Variants in EPC2 observed in about 807,000 individuals in gnomAD.
EPC2 encodes enhancer of polycomb homolog 2.
Under a neutral mutation model 92.1 loss-of-function variants are expected in EPC2, and 14 were observed. The observed-to-expected ratio is 0.15, with a 90% CI of 0.10 to 0.24. The LOEUF is 0.24. Among genes scored for constraint, EPC2 ranks in the 10% least tolerant of loss-of-function variants. The probability of loss-of-function intolerance (pLI) is 1.00; values close to 1 mark genes in which losing one functional copy is unlikely to be tolerated. For missense variants in EPC2, 755 were observed against 971.5 expected (o/e 0.78, Z 2.96); for synonymous variants, 340 against 334.7 (o/e 1.02, Z -0.17).
chr2:148,765,803 C>G (rs531514786), intron 7 of EPC2, among the ~76,000 whole-genome samples: 1 of 152,014 alleles, frequency 6.6e-6, no homozygotes, highest in African/African-American at 2.4e-5. Context: ...TTTGGGAGGC[C>G]GAGGCAGGCG....
At chr2:148,684,107 G>A (rs557147715) in intron 1 of EPC2, among the ~76,000 whole-genome samples, 5 of 152,266 alleles carry the variant, frequency 3.3e-5, no homozygotes, top group African/African-American at 1.2e-4. Flanking sequence ...TTTCACTGAC[G>A]ATTAGTGATG....
chr2:148,736,664 AC>A (rs1272257084), intron 2 of EPC2, among the ~76,000 whole-genome samples: 2 of 152,046 alleles, frequency 1.3e-5, no homozygotes, highest in Non-Finnish European at 2.9e-5. Context: ...AGCCTTCCAC[AC>A]TTTTTTCTAC....
At chr2:148,741,393 T>A (rs1682877032) in intron 2 of EPC2, among the ~76,000 whole-genome samples, 1 of 152,174 alleles carries the variant, frequency 6.6e-6, no homozygotes, top group Non-Finnish European at 1.5e-5. Context: ...TAAAAATTTC[T>A]TAAGCAATGA....
At chr2:148,719,484 G>T (rs1224872330) in intron 2 of EPC2, among the ~76,000 whole-genome samples, 1 of 152,170 alleles carries the variant, frequency 6.6e-6, no homozygotes, top group African/African-American at 2.4e-5. Flanking sequence ...TCACTCTTCT[G>T]TAGGGCTGCT....
intron 2 of EPC2, among the ~76,000 whole-genome samples, chr2:148,718,274 TTCTC>T (rs1682298453): frequency 6.6e-6 from 1 of 152,214 alleles, no homozygotes; most frequent in African/African-American, 2.4e-5. Context: ...GCGGATTTGA[TTCTC>T]TCATCATGCT....
Position 148,758,527 on chromosome 2 carries a change from C to T in EPC2, c.667-3255C>T, listed in dbSNP as rs187236426. ...TCCCCTACCTCAGCCTCCCAAATAGCTGGGACTACAGGCGCTTGCCACCAC... is the reference window on the plus strand; with the variant it reads ...TCCCCTACCTCAGCCTCCCAAATAGTTGGGACTACAGGCGCTTGCCACCAC... On this transcript the variant is annotated intron_variant, in intron 4 of 13. Transcript: ENST00000258484. 5.1e-3 allele frequency among the ~76,000 whole-genome samples: 782 copies of T among 152,196 alleles called. 10 individuals carry two copies. The highest frequency in any genetic ancestry group is 0.018 in the African/African-American group (747 of 41,514).
At chr2:148,697,661 C>T (rs1461384437) in intron 2 of EPC2, among the ~76,000 whole-genome samples, 1 of 152,146 alleles carries the variant, frequency 6.6e-6, no homozygotes, top group Non-Finnish European at 1.5e-5. Flanking sequence ...GAGGGAGAAC[C>T]ACTAGGGCAG....
chr2:148,656,246 A>T (rs1680796327), intron 1 of EPC2, among the ~76,000 whole-genome samples: 1 of 152,124 alleles, frequency 6.6e-6, no homozygotes, highest in Non-Finnish European at 1.5e-5. Context: ...CTTTCTGTTG[A>T]TTGTTTGTAG....
intron 12 of EPC2, 111 bp downstream of exon 12, chr2:148,783,867 G>A (rs2105442559): frequency 2.9e-6 from 3 of 1,035,324 alleles, no homozygotes; most frequent in East Asian, 2.6e-5. Flanking sequence ...AGTCAATCAG[G>A]ACTCTTTAGG....
intron 1 of EPC2, among the ~76,000 whole-genome samples, chr2:148,653,493 C>G (rs1473501460): frequency 1.3e-5 from 2 of 152,212 alleles, no homozygotes; most frequent in African/African-American, 2.4e-5. Flanking sequence ...CATATTCTAT[C>G]ATGCAGAACC....
At chr2:148,735,871 T>A (rs1682742975) in intron 2 of EPC2, among the ~76,000 whole-genome samples, 1 of 152,084 alleles carries the variant, frequency 6.6e-6, no homozygotes, top group Non-Finnish European at 1.5e-5. Context: ...TAACAGCTGA[T>A]ACTTTTGAAT....
intron 10 of EPC2, among the ~76,000 whole-genome samples, chr2:148,773,559 T>C (rs2105433488): frequency 6.6e-6 from 1 of 152,246 alleles, no homozygotes; most frequent in South Asian, 2.1e-4. Flanking sequence ...GTAAAAGATT[T>C]TGTTTGAACT....
intron 2 of EPC2, among the ~76,000 whole-genome samples, chr2:148,711,831 A>G (rs970537370): frequency 2.0e-5 from 3 of 152,164 alleles, no homozygotes; most frequent in African/African-American, 7.2e-5. Flanking sequence ...ATTATGTAAT[A>G]TGCCTCTTCA....
chr2:148,762,097 T>A, intron 5 of EPC2, 167 bp downstream of exon 5: 2 of 526,122 alleles, frequency 3.8e-6, no homozygotes, highest in Non-Finnish European at 6.2e-6. Context: ...TTTTATAGAT[T>A]AAGTTATCAA....
rs577200553 is a variant in EPC2, at chr2:148,773,980, G to A, written c.1720+2593G>A. 4.3e-4 allele frequency among the ~76,000 whole-genome samples: 66 copies of A among 151,924 alleles called. 1 individual carries two copies. The highest frequency in any genetic ancestry group is 2.4e-3 in the Admixed American group (37 of 15,238). On this transcript the variant is annotated intron_variant, in intron 10 of 13. Coordinates refer to ENST00000258484, the MANE Select transcript of EPC2 (RefSeq NM_015630.4). ...CTTTTTCCTTCTGCTTGTTCTTAGT[G>A]GGCTTGGTCATGAGAGCACAGTTGT...
At chr2:148,745,749 T>A (rs1377664728) in intron 3 of EPC2, among the ~76,000 whole-genome samples, 2 of 152,118 alleles carry the variant, frequency 1.3e-5, no homozygotes, top group African/African-American at 4.8e-5. Context: ...AATTTATGGA[T>A]CTCTTTACTT....
chr2:148,774,652 TTTG>T (rs1344673355), intron 10 of EPC2, among the ~76,000 whole-genome samples: 1 of 134,594 alleles, frequency 7.4e-6, no homozygotes, highest in Non-Finnish European at 1.6e-5. Context: ...GCATGTACTA[TTTG>T]TTATCTTTTA....
chr2:148,759,894 A>T lies in EPC2; in HGVS notation c.667-1888A>T, dbSNP rs1333547702. ...TGTTTTTGTTTTTTATTTGTTTTTT[A>T]AAAAAAGGACAAGACTGGGGAAAGG... On this transcript the variant is annotated intron_variant, in intron 4 of 13. Coordinates refer to ENST00000258484, the MANE Select transcript of EPC2 (RefSeq NM_015630.4). Among the ~76,000 whole-genome samples the T allele has an allele frequency of 4.6e-5, 7 of 152,032 alleles. No individual in the cohort carries two copies. In the East Asian group the frequency reaches 5.8e-4, roughly 13 times the overall value.
intron 1 of EPC2, among the ~76,000 whole-genome samples, chr2:148,657,114 G>C (rs1214742316): frequency 6.6e-6 from 1 of 151,818 alleles, no homozygotes; most frequent in Non-Finnish European, 1.5e-5. Context: ...TTTTAGGACG[G>C]GCAAAATTGT....
Sources: allele counts gnomAD v4.1 joint callset (sites outside exome capture counted in the v4.1 genomes callset), GRCh38; gene constraint gnomAD v4.1.1; transcripts MANE v1.5; gene names NCBI Gene and HGNC (gene_info 2026-07-23, HGNC 2026-07-21).